GAS7: variants seen among roughly 807,000 people sequenced by gnomAD.
The protein encoded by GAS7 is growth arrest-specific protein 7.
In GAS7, 28 loss-of-function variants were observed where a neutral mutation model predicts 71.1. The observed-to-expected ratio is 0.39, with a 90% CI of 0.29 to 0.54. The LOEUF (loss-of-function observed/expected upper bound fraction) is 0.54. GAS7 is among the 20% of genes least tolerant of loss of function. The pLI, the probability that GAS7 is intolerant of heterozygous loss-of-function variation, is 0.62. For synonymous variants in GAS7, 258 were observed against 245.8 expected (o/e 1.05, Z -0.46); for missense variants, 436 against 627.8 (o/e 0.69, Z 3.27).
intron 8 of GAS7, among the ~76,000 whole-genome samples, chr17:9,939,542 A>C (rs1234016714): frequency 6.6e-6 from 1 of 151,886 alleles, no homozygotes; most frequent in Non-Finnish European, 1.5e-5. Flanking sequence ...GTCAGACCAG[A>C]GGGGATTCTG....
Position 9,946,997 on chromosome 17 carries a change from A to T in GAS7, c.526-14T>A. The T allele has an allele frequency of 1.3e-6, 2 of 1,584,236 alleles. No individual in the cohort carries two copies. The highest frequency in any genetic ancestry group is 1.7e-6 in the Non-Finnish European group (2 of 1,153,128). On this transcript the variant is annotated splice_polypyrimidine_tract_variant and intron_variant, in intron 5 of 13. Coordinates refer to ENST00000432992, the MANE Select transcript of GAS7 (RefSeq NM_201433.2). ...CACACAGTTTATCTGTAGGGCACAGAACAAGAAAGAATGACCCCGCTGGAG... is the reference window on the plus strand; with the variant it reads ...CACACAGTTTATCTGTAGGGCACAGTACAAGAAAGAATGACCCCGCTGGAG...
chr17:10,088,256 T>TAATAAAAAA (rs780525609), intron 1 of GAS7, among the ~76,000 whole-genome samples: 25 of 144,564 alleles, frequency 1.7e-4, no homozygotes, highest in Middle Eastern at 3.7e-3. Flanking sequence ...ATAATAATAA[T>TAATAAAAAA]AAATATGTAT....
At chr17:9,962,116 T>C (rs1389995419) in intron 4 of GAS7, among the ~76,000 whole-genome samples, 1 of 152,174 alleles carries the variant, frequency 6.6e-6, no homozygotes, top group Non-Finnish European at 1.5e-5. Context: ...TCTGTTCTAT[T>C]AGCAGTGTTT....
At chr17:10,004,656 T>C (rs1369925096) in intron 2 of GAS7, among the ~76,000 whole-genome samples, 1 of 152,246 alleles carries the variant, frequency 6.6e-6, no homozygotes, top group Non-Finnish European at 1.5e-5. Flanking sequence ...CTGCTCGCCC[T>C]AGATTTTTTA....
chr17:10,134,324 T>C (rs1406012254), intron 1 of GAS7, among the ~76,000 whole-genome samples: 1 of 152,114 alleles, frequency 6.6e-6, no homozygotes, highest in Non-Finnish European at 1.5e-5. Flanking sequence ...AGCCACATTT[T>C]CTTTATCCAC....
At chr17:10,174,552 C>T (rs1245764844) in intron 1 of GAS7, among the ~76,000 whole-genome samples, 1 of 151,970 alleles carries the variant, frequency 6.6e-6, no homozygotes, top group African/African-American at 2.4e-5. Context: ...ATTAGCCGGG[C>T]GCAGTGGCGG....
At chr17:10,032,188 A>G (rs886921663) in intron 1 of GAS7, among the ~76,000 whole-genome samples, 26 of 152,234 alleles carry the variant, frequency 1.7e-4, no homozygotes, top group African/African-American at 6.3e-4. Flanking sequence ...GCACAATTAA[A>G]AATGTAATTA....
intron 1 of GAS7, among the ~76,000 whole-genome samples, chr17:10,116,789 G>A (rs571341161): frequency 6.6e-6 from 1 of 152,236 alleles, no homozygotes; most frequent in Admixed American, 6.5e-5. Context: ...AAAGATCCAT[G>A]CCTCAGGGAG....
At chr17:9,936,900 C>T (rs1317641357) in intron 8 of GAS7, among the ~76,000 whole-genome samples, 1 of 152,206 alleles carries the variant, frequency 6.6e-6, no homozygotes, top group East Asian at 1.9e-4. Context: ...GTGCACATGT[C>T]CTGTGAAATC....
At position 9,913,425 on chromosome 17, in the gene GAS7, AATGTT is replaced by A. The variant is rs1287700868; in HGVS notation, c.*3798_*3802del. 4.3e-6 allele frequency: 1 copy of A among 232,730 alleles called. No homozygotes were observed. The highest frequency in any genetic ancestry group is 6.1e-5 in the East Asian group (1 of 16,468). 14.4% of individuals were successfully genotyped at this position (232,730 alleles called of 1,614,324 possible). ...AAGCCAAGGTCGCTGATGTCCTTCG[AATGTT>A]ATGGCTTGTATTTCCAAAAGGGACT... On this transcript the variant is annotated 3_prime_UTR_variant, in exon 14 of 14. Coordinates refer to ENST00000432992, the MANE Select transcript of GAS7 (RefSeq NM_201433.2).
intron 1 of GAS7, among the ~76,000 whole-genome samples, chr17:10,102,029 C>T (rs2152261492): frequency 6.6e-6 from 1 of 152,050 alleles, no homozygotes; most frequent in Middle Eastern, 3.4e-3. Flanking sequence ...TCCAGACACC[C>T]CAAGGAGCTC....
At chr17:9,987,700 G>T (rs2070696916) in intron 2 of GAS7, among the ~76,000 whole-genome samples, 1 of 152,238 alleles carries the variant, frequency 6.6e-6, no homozygotes, top group African/African-American at 2.4e-5. Flanking sequence ...ATGTAAATCT[G>T]AGTTTCAAAG....
rs1007396675 is a variant in GAS7 at position 9,969,881 on chromosome 17, C to T, written c.386-119G>A. On this transcript the variant is annotated intron_variant, in intron 3 of 13. Transcript: ENST00000432992. The surrounding 1 kb of genome is among the most constrained non-coding windows in gnomAD (Gnocchi z 5.5). The stretch of plus-strand genomic sequence containing the variant: ...CTTGGCTCTGAGAGGTCTTGCGTGG[C>T]GAAGACCATCCCTCAGGATCTGATC... 39 of 679,886 alleles carry T rather than the reference C, an allele frequency of 5.7e-5. 1 individual carries two copies. The highest frequency in any genetic ancestry group is 1.9e-4 in the Admixed American group (9 of 46,154). The allele number at this position is 679,886 out of a possible 1,614,324, so 42.1% of individuals were successfully genotyped here. A position where few individuals can be genotyped will look rare whatever the true frequency, so the allele number is the denominator to read the frequency against.
Position 10,034,348 on chromosome 17 carries a change from AC to A in GAS7, c.184-14452del, listed in dbSNP as rs2152222606. On this transcript the variant is annotated intron_variant, in intron 1 of 13. Transcript: ENST00000432992. This position sits in a 1 kb window ranked among gnomAD's most constrained non-coding sequence, Gnocchi z 4.4. Reference sequence around the variant, plus strand: ...TTTTTTTAGACAGTCTTGCTGTGTCACCCAGGCTGGAGTGCAGTGGCGTGAT... The same window carrying A: ...TTTTTTTAGACAGTCTTGCTGTGTCACCAGGCTGGAGTGCAGTGGCGTGAT... The A allele has an allele frequency of 2.2e-6, 1 of 450,422 alleles. No homozygotes were observed. Among genetic ancestry groups the A allele is most frequent in the East Asian group, 1.6e-4 (1 of 6,356 alleles). The allele number at this position is 450,422 out of a possible 1,614,324, so 27.9% of individuals were successfully genotyped here.
chr17:9,911,945 C>A lies in GAS7; in HGVS notation c.*5283G>T. On this transcript the variant is annotated 3_prime_UTR_variant, in exon 14 of 14. Transcript: ENST00000432992. This position sits in a 1 kb window ranked among gnomAD's most constrained non-coding sequence, Gnocchi z 4.0. The stretch of plus-strand genomic sequence containing the variant: ...TTAACTGGGTGTGGTCCTGTCCCTG[C>A]CACCATGTACCACCATCCAGTGGGG... 4.3e-6 allele frequency: 1 copy of A among 232,060 alleles called. No homozygotes were observed. The highest frequency in any genetic ancestry group is 8.5e-6 in the Non-Finnish European group (1 of 117,326). The allele number at this position is 232,060 out of a possible 1,614,324, so 14.4% of individuals were successfully genotyped here. A position where few individuals can be genotyped will look rare whatever the true frequency, so the allele number is the denominator to read the frequency against.
chr17:10,127,408 G>A (rs2073959807), intron 1 of GAS7, among the ~76,000 whole-genome samples: 1 of 152,128 alleles, frequency 6.6e-6, no homozygotes, highest in Admixed American at 6.5e-5. Flanking sequence ...AGCAGGTCAG[G>A]AGGCGGGGAG....
chr17:9,920,947 G>T (rs2067783368), intron 11 of GAS7, among the ~76,000 whole-genome samples: 1 of 152,136 alleles, frequency 6.6e-6, no homozygotes, highest in Non-Finnish European at 1.5e-5. Flanking sequence ...GAACAGGGAA[G>T]GTTATGTCTC....
In GAS7 at chr17:10,096,373, C is replaced by T. The variant is rs1261791931; in HGVS notation, c.184-76476G>A. 3.3e-5 allele frequency among the ~76,000 whole-genome samples: 5 copies of T among 152,338 alleles called. No homozygotes were observed. The East Asian group carries it at 5.8e-4, about 18-fold the overall frequency. On this transcript the variant is annotated intron_variant, in intron 1 of 13. Transcript: ENST00000432992. ...TTCTGTGCCTCCAAATGCCTCCCCT[C>T]TTCTGTTTGCCAGGGGAGGGTGTCC... is the stretch of plus-strand genomic sequence containing the variant.
chr17:9,912,358 T>C lies in GAS7; in HGVS notation c.*4870A>G. 4.3e-6 allele frequency: 1 copy of C among 232,878 alleles called. No individual in the cohort carries two copies. The allele number at this position is 232,878 out of a possible 1,614,324, so 14.4% of individuals were successfully genotyped here. Reference sequence around the variant, plus strand: ...GAGGTACATGCAGTTGCCGGTGGCCTGAGACACTCATCTAGAACAAACACC... The same window carrying C: ...GAGGTACATGCAGTTGCCGGTGGCCCGAGACACTCATCTAGAACAAACACC... On this transcript the variant is annotated 3_prime_UTR_variant, in exon 14 of 14. Coordinates refer to ENST00000432992, the MANE Select transcript of GAS7 (RefSeq NM_201433.2).
Sources: allele counts gnomAD v4.1 joint callset (sites outside exome capture counted in the v4.1 genomes callset), GRCh38; gene constraint gnomAD v4.1.1; non-coding constraint Gnocchi (gnomAD v3.1); transcripts MANE v1.5; gene names NCBI Gene and HGNC (gene_info 2026-07-23, HGNC 2026-07-21).